GRM1: variants seen among roughly 807,000 people sequenced by gnomAD.
GRM1 encodes glutamate metabotropic receptor 1.
GRM1 carries 33 observed loss-of-function variants against 90.9 expected under a neutral mutation model. The ratio of observed to expected loss-of-function variants is 0.36; its 90% CI spans 0.28 to 0.49. GRM1 has a LOEUF of 0.49. Ranked by LOEUF, GRM1 falls within the 20% of genes least tolerant of loss-of-function variation. The pLI, the probability that GRM1 is intolerant of heterozygous loss-of-function variation, is 0.99. For missense variants in GRM1, 1,190 were observed against 1,534.3 expected (o/e 0.78, Z 3.75); for synonymous variants, 700 against 613.2 (o/e 1.14, Z -2.09).
At chr6:146,408,022 A>C (rs897425631) in intron 7 of GRM1, among the ~76,000 whole-genome samples, 2 of 152,174 alleles carry the variant, frequency 1.3e-5, no homozygotes, top group African/African-American at 2.4e-5. Flanking sequence ...TAAGAGCAGA[A>C]ATATATTGCT....
At chr6:146,114,180 G>T (rs1156624867) in intron 1 of GRM1, among the ~76,000 whole-genome samples, 2 of 152,164 alleles carry the variant, frequency 1.3e-5, no homozygotes, top group African/African-American at 2.4e-5. Context: ...ATTAAAAACA[G>T]TTATGCTGTT....
chr6:146,236,619 A>C (rs746094557), intron 2 of GRM1, among the ~76,000 whole-genome samples: 1 of 151,982 alleles, frequency 6.6e-6, no homozygotes. Flanking sequence ...GGCCCAGTAT[A>C]TATTTCTTTT....
chr6:146,148,739 C>A (rs1001716146), intron 1 of GRM1, among the ~76,000 whole-genome samples: 1 of 152,030 alleles, frequency 6.6e-6, no homozygotes, highest in Non-Finnish European at 1.5e-5. Flanking sequence ...AAATGTATTA[C>A]ACCATTAACA....
At chr6:146,267,702 G>GCTCGGCTCGGCTCGGCTCGT (rs1781965440) in intron 2 of GRM1, among the ~76,000 whole-genome samples, 1 of 86,098 alleles carries the variant, frequency 1.2e-5, no homozygotes, top group Non-Finnish European at 2.1e-5. Flanking sequence ...GCTCGGCTCG[G>GCTCGGCTCGGCTCGGCTCGT]CTCGTCTCGT....
At chr6:146,398,629 A>G (rs1288178646) in intron 6 of GRM1, 140 bp from the exon 7 acceptor site, 1 of 739,506 alleles carries the variant, frequency 1.4e-6, no homozygotes, top group Non-Finnish European at 2.5e-6. Flanking sequence ...TTTGTGTAAT[A>G]GTGTGCATTT....
At position 146,399,262 on chromosome 6, in the gene GRM1, A is replaced by T. The variant is rs3025919; in HGVS notation, c.2223A>T (p.Glu741Asp). The change falls in exon 7 of 8, where the codon GAA (glutamate) becomes GAT (aspartate). Residue 741 changes from glutamate to aspartate, a missense_variant. This residue lies in a region of GRM1 where 414 missense variants were observed against 598.4 expected (regional missense o/e 0.69). Transcript: ENST00000282753. This position sits in a 1 kb window ranked among gnomAD's most constrained non-coding sequence, Gnocchi z 5.4. ...TTCTGTCCTACCCAAGTATCAAGGA[A>T]GTCTACCTTATCTGCAATACCAGCA... Reference protein sequence around the residue: ...MPILSYPSIKEVYLICNTSNL... With the variant: ...MPILSYPSIKDVYLICNTSNL... The T allele has an allele frequency of 6.2e-7, 1 of 1,613,940 alleles. No individual in the cohort carries two copies.
intron 1 of GRM1, among the ~76,000 whole-genome samples, chr6:146,089,989 G>C (rs372316736): frequency 5.3e-5 from 8 of 151,904 alleles, no homozygotes; most frequent in Admixed American, 3.9e-4. Flanking sequence ...ATTGTAATAT[G>C]TATTATAGAT....
Position 146,434,012 on chromosome 6 carries a change from C to G in GRM1, c.2801C>G (p.Thr934Ser). 1 of 1,614,212 alleles carries G rather than the reference C, an allele frequency of 6.2e-7. No individual in the cohort carries two copies. Among genetic ancestry groups the G allele is most frequent in the South Asian group, 1.1e-5 (1 of 91,092 alleles). ...CAAACAGCCGTCATCAAGCCCCTCA[C>G]TAAAAGTTACCAAGGCTCTGGCAAG... ...CNQTAVIKPLTKSYQGSGKSL... is the reference protein window; with the variant it reads ...CNQTAVIKPLSKSYQGSGKSL... Residue 934 changes from threonine to serine, a missense_variant, in exon 8 of 8, where the codon ACT (threonine) becomes AGT (serine). Thr to Ser is a moderately conservative substitution (Grantham distance 58). This residue lies in a region of GRM1 where 400 missense variants were observed against 360.8 expected (regional missense o/e 1.11). Transcript: ENST00000282753.
rs548085680 is a variant in GRM1 at position 146,324,350 on chromosome 6, G to C, written c.1186+19504G>C. Among the ~76,000 whole-genome samples the C allele has an allele frequency of 3.3e-5, 5 of 152,260 alleles. No individual in the cohort carries two copies. The East Asian group carries it at 9.7e-4, about 29-fold the overall frequency. On this transcript the variant is annotated intron_variant, in intron 3 of 7. Transcript: ENST00000282753. Reference sequence around the variant, plus strand: ...GAGCTCTGTGCGGGTGGCATCCCCTGAGCTAGACCAATTGGCTCCCTGGCT... The same window carrying C: ...GAGCTCTGTGCGGGTGGCATCCCCTCAGCTAGACCAATTGGCTCCCTGGCT...
At chr6:146,331,765 T>A (rs192352777) in intron 3 of GRM1, among the ~76,000 whole-genome samples, 1 of 151,824 alleles carries the variant, frequency 6.6e-6, no homozygotes, top group Non-Finnish European at 1.5e-5. Context: ...TGTTTTCCTT[T>A]AAAAAAAAAT....
chr6:146,384,458 C>T (rs544697471), intron 5 of GRM1, among the ~76,000 whole-genome samples: 1 of 152,206 alleles, frequency 6.6e-6, no homozygotes, highest in South Asian at 2.1e-4. Context: ...TCTAGACTTG[C>T]TCTAATAATT....
chr6:146,262,778 A>T (rs1781749021), intron 2 of GRM1, among the ~76,000 whole-genome samples: 1 of 151,970 alleles, frequency 6.6e-6, no homozygotes, highest in Non-Finnish European at 1.5e-5. Flanking sequence ...TTACAAATCT[A>T]AAAGTAAGTA....
chr6:146,269,592 G>T (rs1361574595), intron 2 of GRM1, among the ~76,000 whole-genome samples: 2 of 152,226 alleles, frequency 1.3e-5, no homozygotes, highest in African/African-American at 2.4e-5. Flanking sequence ...TGCACAGCAG[G>T]AGGTGAGTGG....
intron 6 of GRM1, among the ~76,000 whole-genome samples, chr6:146,392,192 G>T (rs544683749): frequency 9.3e-4 from 141 of 152,200 alleles, no homozygotes; most frequent in African/African-American, 3.3e-3. Context: ...GCTTGATTTG[G>T]CTACATGACT....
At chr6:146,133,733 C>A (rs777092108) in intron 1 of GRM1, among the ~76,000 whole-genome samples, 1 of 152,176 alleles carries the variant, frequency 6.6e-6, no homozygotes, top group Non-Finnish European at 1.5e-5. Flanking sequence ...ACCTTTTGTG[C>A]AATCCTGTGC....
At chr6:146,072,947 C>A (rs901563927) in intron 1 of GRM1, among the ~76,000 whole-genome samples, 1 of 152,082 alleles carries the variant, frequency 6.6e-6, no homozygotes, top group Non-Finnish European at 1.5e-5. Context: ...TGGTAATACA[C>A]AGGGAAGATG....
chr6:146,324,833 C>G (rs938766246), intron 3 of GRM1, among the ~76,000 whole-genome samples: 1 of 152,230 alleles, frequency 6.6e-6, no homozygotes, highest in Non-Finnish European at 1.5e-5. Flanking sequence ...CTGTGTTGAT[C>G]TTGCTGGGAG....
intron 2 of GRM1, among the ~76,000 whole-genome samples, chr6:146,232,647 C>T (rs543558548): frequency 2.6e-5 from 4 of 152,084 alleles, no homozygotes; most frequent in South Asian, 4.1e-4. Context: ...TTTTTGTACA[C>T]GTTAACCATC....
intron 1 of GRM1, among the ~76,000 whole-genome samples, chr6:146,052,690 C>T (rs1377474356): frequency 6.6e-6 from 1 of 152,028 alleles, no homozygotes; most frequent in Non-Finnish European, 1.5e-5. Flanking sequence ...ATTTTTGTGG[C>T]TGGCTGCTTC....
Sources: allele counts gnomAD v4.1 joint callset (sites outside exome capture counted in the v4.1 genomes callset), GRCh38; gene constraint gnomAD v4.1.1; regional missense constraint gnomAD v4.1.1; non-coding constraint Gnocchi (gnomAD v3.1); transcripts MANE v1.5; gene names NCBI Gene and HGNC (gene_info 2026-07-23, HGNC 2026-07-21).